The following ACOT13 variants were observed in gnomAD, a reference collection of about 807,000 sequenced individuals.
ACOT13 encodes the protein acyl-CoA thioesterase 13.
ACOT13 carries 10 observed loss-of-function variants against 11.8 expected under a neutral mutation model. That is an observed-to-expected ratio of 0.85 (90% CI 0.53 to 1.44). The LOEUF is 1.44. Among genes scored for constraint, ACOT13 ranks in the 40% most tolerant of loss-of-function variants. ACOT13 has a pLI of 0.00. For missense variants in ACOT13, 172 were observed against 174.1 expected, an observed-to-expected ratio of 0.99 and a Z score of 0.07; for synonymous variants, 53 against 61.0, an observed-to-expected ratio of 0.87 and a Z score of 0.61.
At chr6:24,687,705 ATTT>A (rs3033242) in intron 1 of ACOT13, 8,406 of 1,259,524 alleles carry the variant, frequency 6.7e-3, no homozygotes, top group Admixed American at 9.3e-3. Flanking sequence ...TAAGAATAGA[ATTT>A]TTTTTTTTTT....
chr6:24,686,289 A>C (rs1355282524), intron 1 of ACOT13, among the ~76,000 whole-genome samples: 1 of 152,182 alleles, frequency 6.6e-6, no homozygotes, highest in Non-Finnish European at 1.5e-5. Context: ...TTTTTTAAAA[A>C]TTTTGGTAAA....
intron 1 of ACOT13, among the ~76,000 whole-genome samples, chr6:24,679,603 T>A (rs964741948): frequency 6.6e-6 from 1 of 152,208 alleles, no homozygotes; most frequent in Non-Finnish European, 1.5e-5. Context: ...CATGTTCTGA[T>A]TCTGTGTCCC....
At chr6:24,670,127 C>T (rs1249883037) in intron 1 of ACOT13, among the ~76,000 whole-genome samples, 1 of 152,044 alleles carries the variant, frequency 6.6e-6, no homozygotes, top group African/African-American at 2.4e-5. Flanking sequence ...CTCCAGTTTT[C>T]CATTTTTACT....
intron 1 of ACOT13, among the ~76,000 whole-genome samples, chr6:24,691,952 T>A (rs532345082): frequency 6.6e-6 from 1 of 152,344 alleles, no homozygotes; most frequent in Non-Finnish European, 1.5e-5. Context: ...TCAAGCAGTC[T>A]ATATTTTCAA....
At chr6:24,692,630 G>A (rs1778735058) in intron 1 of ACOT13, among the ~76,000 whole-genome samples, 1 of 151,970 alleles carries the variant, frequency 6.6e-6, no homozygotes, top group African/African-American at 2.4e-5. Context: ...TGTTGCCCAG[G>A]CTGGTCTCAA....
intron 1 of ACOT13, among the ~76,000 whole-genome samples, chr6:24,675,731 T>A (rs1487586601): frequency 6.6e-6 from 1 of 152,224 alleles, no homozygotes; most frequent in East Asian, 1.9e-4. Flanking sequence ...GCTCTTTAGT[T>A]TAATTAGCTC....
In ACOT13 at chr6:24,667,090, C is replaced by A; in HGVS notation, c.-174C>A. The A allele has an allele frequency of 3.5e-6, 3 of 847,822 alleles. No individual in the cohort carries two copies. The highest frequency in any genetic ancestry group is 5.4e-6 in the Non-Finnish European group (3 of 557,370). The allele number at this position is 847,822 out of a possible 1,614,324, so 52.5% of individuals were successfully genotyped here. A position where few individuals can be genotyped will look rare whatever the true frequency, so the allele number is the denominator to read the frequency against. The stretch of plus-strand genomic sequence containing the variant: ...GCGAGGAAAGTCAGTGAGCAAATCG[C>A]GGACCACCGGGGCTGCCAGCTCGCC... On this transcript the variant is annotated 5_prime_UTR_variant, in exon 1 of 3. Transcript: ENST00000230048.
At chr6:24,669,302 G>A (rs933010030) in intron 1 of ACOT13, among the ~76,000 whole-genome samples, 2 of 152,198 alleles carry the variant, frequency 1.3e-5, no homozygotes, top group African/African-American at 4.8e-5. Flanking sequence ...GGAAAGGCGG[G>A]ACAACTTGAA....
rs939036257 is a variant in ACOT13 at position 24,701,924 on chromosome 6, G to C, written c.*309G>C. ...GATTAAAACTAAAGTCCAGTGTTAA[G>C]CTAAAGGAGAAATAGAAATTAATGG... On this transcript the variant is annotated 3_prime_UTR_variant, in exon 3 of 3. Transcript: ENST00000230048. 3 of 217,710 alleles carry C rather than the reference G, an allele frequency of 1.4e-5. No homozygotes were observed. Among genetic ancestry groups the C allele is most frequent in the African/African-American group, 6.9e-5 (3 of 43,604 alleles). 13.5% of individuals were successfully genotyped at this position (217,710 alleles called of 1,614,324 possible).
At chr6:24,679,527 T>C (rs1245239144) in intron 1 of ACOT13, among the ~76,000 whole-genome samples, 1 of 152,214 alleles carries the variant, frequency 6.6e-6, no homozygotes, top group Non-Finnish European at 1.5e-5. Flanking sequence ...GCATAATTCA[T>C]AGGCTTCTTC....
At chr6:24,669,393 A>G (rs1461729386) in intron 1 of ACOT13, among the ~76,000 whole-genome samples, 1 of 152,186 alleles carries the variant, frequency 6.6e-6, no homozygotes, top group Non-Finnish European at 1.5e-5. Flanking sequence ...ACCTTTCCTA[A>G]GGAGGCAGTC....
In ACOT13 at chr6:24,700,425, C is replaced by CTTT. The variant is rs34173572; in HGVS notation, c.267-1010_267-1008dup. 1.3e-3 allele frequency among the ~76,000 whole-genome samples: 132 copies of CTTT among 105,152 alleles called. 12 individuals are homozygous for CTTT. The highest frequency in any genetic ancestry group is 4.3e-3 in the African/African-American group (107 of 25,120). The allele number at this position is 105,152 out of a possible 152,430, so 69.0% of individuals were successfully genotyped here. On this transcript the variant is annotated intron_variant, in intron 2 of 2. Coordinates refer to ENST00000230048, the MANE Select transcript of ACOT13 (RefSeq NM_018473.4). ...TGTTCTTTCCAGCAATAAGATCCAC[C>CTTT]TTTTTTTTTTTTTTTTTTTTTTTTT...
chr6:24,693,491 A>T (rs1203959387), intron 1 of ACOT13, among the ~76,000 whole-genome samples: 2 of 152,240 alleles, frequency 1.3e-5, no homozygotes, highest in African/African-American at 4.8e-5. Flanking sequence ...AAAAAAGACC[A>T]GAATGATCTG....
intron 1 of ACOT13, among the ~76,000 whole-genome samples, chr6:24,680,877 G>A (rs974851831): frequency 6.6e-6 from 1 of 152,178 alleles, no homozygotes; most frequent in African/African-American, 2.4e-5. Flanking sequence ...CAAACAGCTC[G>A]CACGTTTGAG....
In ACOT13 at chr6:24,667,289, G is replaced by A. The variant is rs139018301; in HGVS notation, c.26G>A (p.Arg9Gln). 2.0e-4 allele frequency: 328 copies of A among 1,614,068 alleles called. No individual in the cohort carries two copies. Among genetic ancestry groups the A allele is most frequent in the Non-Finnish European group, 2.5e-4 (298 of 1,180,028 alleles). MTSMTQSL[R>Q]EVIKAMTKAR... ...ATGACCAGCATGACTCAGTCTCTGC[G>A]GGAGGTGATAAAGGCCATGACCAAG... The change falls in exon 1 of 3, where the codon CGG (arginine) becomes CAG (glutamine). Residue 9 changes from arginine to glutamine, a missense_variant. By Grantham distance (43) the Arg-to-Gln change is conservative (BLOSUM62 1). Transcript: ENST00000230048.
chr6:24,667,394 A>G, intron 1 of ACOT13, 50 bp downstream of exon 1: 3 of 1,557,916 alleles, frequency 1.9e-6, no homozygotes, highest in Non-Finnish European at 2.7e-6. Flanking sequence ...AGGAAAAGAA[A>G]GCACCGTGCT....
In ACOT13 at chr6:24,701,647, C is replaced by T; in HGVS notation, c.*32C>T. On this transcript the variant is annotated 3_prime_UTR_variant, in exon 3 of 3. Coordinates refer to ENST00000230048, the MANE Select transcript of ACOT13 (RefSeq NM_018473.4). The stretch of plus-strand genomic sequence containing the variant: ...AGCAGAATGACCTAAAGAAACCCAA[C>T]AATGAATATCAAGTATAGATTTGAC... 1.3e-6 allele frequency: 2 copies of T among 1,561,342 alleles called. No individual in the cohort carries two copies. Among genetic ancestry groups the T allele is most frequent in the Non-Finnish European group, 1.7e-6 (2 of 1,151,352 alleles).
intron 1 of ACOT13, among the ~76,000 whole-genome samples, chr6:24,695,655 C>T (rs767460357): frequency 5.9e-5 from 9 of 152,162 alleles, no homozygotes; most frequent in Non-Finnish European, 1.2e-4. Flanking sequence ...TTGCCAATGC[C>T]TGCTATAAAG....
rs563020332 is a variant in ACOT13 at position 24,685,332 on chromosome 6, C to CTTTTTTTTTTTTTT, written c.82-12532_82-12519dup. Among the ~76,000 whole-genome samples, 28 of 116,756 alleles carry CTTTTTTTTTTTTTT rather than the reference C, an allele frequency of 2.4e-4. 3 individuals carry two copies. The highest frequency in any genetic ancestry group is 4.1e-4 in the Non-Finnish European group (23 of 55,518). The allele number at this position is 116,756 out of a possible 152,430, so 76.6% of individuals were successfully genotyped here. A position where few individuals can be genotyped will look rare whatever the true frequency, so the allele number is the denominator to read the frequency against. ...ACATGGTCTCTTTCCTTTTACTGTA[C>CTTTTTTTTTTTTTT]TTTTTTTTTTTTTTTTTTTTTTTTT... is the stretch of plus-strand genomic sequence containing the variant. On this transcript the variant is annotated intron_variant, in intron 1 of 2. Coordinates refer to ENST00000230048, the MANE Select transcript of ACOT13 (RefSeq NM_018473.4).
Sources: allele counts gnomAD v4.1 joint callset (sites outside exome capture counted in the v4.1 genomes callset), GRCh38; gene constraint gnomAD v4.1.1; transcripts MANE v1.5; gene names NCBI Gene and HGNC (gene_info 2026-07-23, HGNC 2026-07-21).